RYR3: variants seen among roughly 807,000 people sequenced by gnomAD.
RYR3 encodes ryanodine receptor 3, also known as brain ryanodine receptor-calcium release channel.
In RYR3, 207 loss-of-function variants were observed where a neutral mutation model predicts 584.3. That is an observed-to-expected ratio of 0.35 (90% CI 0.32 to 0.40). RYR3 has a LOEUF of 0.40. RYR3 is among the 10% of genes least tolerant of loss of function. The pLI, the probability that RYR3 is intolerant of heterozygous loss-of-function variation, is 1.00. For synonymous variants in RYR3, 2,416 were observed against 2,248.5 expected (o/e 1.07, Z -2.11); for missense variants, 5,616 against 6,089.2 (o/e 0.92, Z 2.59).
At chr15:33,598,774 C>T (rs1269114531) in intron 16 of RYR3, among the ~76,000 whole-genome samples, 1 of 151,606 alleles carries the variant, frequency 6.6e-6, no homozygotes, top group Non-Finnish European at 1.5e-5. Flanking sequence ...TAGGAGTTGG[C>T]TGGGTGCAGT....
chr15:33,663,905 T>G (rs1006088263), intron 36 of RYR3, among the ~76,000 whole-genome samples, 168 bp downstream of exon 36: 2 of 152,174 alleles, frequency 1.3e-5, no homozygotes, highest in Admixed American at 6.5e-5. Context: ...AGCTAAGGAA[T>G]ATGTGCCAAT....
intron 1 of RYR3, among the ~76,000 whole-genome samples, chr15:33,333,742 G>A (rs1970638233): frequency 6.6e-6 from 1 of 152,150 alleles, no homozygotes; most frequent in African/African-American, 2.4e-5. Context: ...TAGGAAGAAA[G>A]GAAGTTAAAC....
intron 97 of RYR3, 108 bp from the exon 98 acceptor site, chr15:33,854,658 C>T: frequency 2.1e-6 from 3 of 1,426,096 alleles, no homozygotes; most frequent in Non-Finnish European, 2.9e-6. Context: ...ACCTCAGCAC[C>T]TAAACCCCCT....
chr15:33,707,233 C>T (rs542130507), intron 43 of RYR3, among the ~76,000 whole-genome samples, 179 bp downstream of exon 43: 2 of 152,256 alleles, frequency 1.3e-5, no homozygotes, highest in African/African-American at 2.4e-5. Flanking sequence ...ATCTCAGAAT[C>T]AGGCCAGACA....
At chr15:33,518,180 G>C (rs2053678952) in intron 3 of RYR3, among the ~76,000 whole-genome samples, 2 of 152,124 alleles carry the variant, frequency 1.3e-5, no homozygotes, top group South Asian at 4.2e-4. Flanking sequence ...GCTTCTCTTA[G>C]ATAACATGCT....
intron 1 of RYR3, among the ~76,000 whole-genome samples, chr15:33,406,016 A>G (rs2042993191): frequency 6.6e-6 from 1 of 152,202 alleles, no homozygotes; most frequent in South Asian, 2.1e-4. Flanking sequence ...GGCTCTGCTT[A>G]GTTTATGCGC....
At chr15:33,813,119 C>T in intron 73 of RYR3, 125 bp downstream of exon 73, 1 of 1,209,698 alleles carries the variant, frequency 8.3e-7, no homozygotes, top group South Asian at 1.5e-5. Context: ...GACCAAGGAT[C>T]ATCCCAGATC....
At chr15:33,760,586 G>A (rs1405736791) in intron 60 of RYR3, among the ~76,000 whole-genome samples, 1 of 152,200 alleles carries the variant, frequency 6.6e-6, no homozygotes, top group Non-Finnish European at 1.5e-5. Flanking sequence ...AAATACAGGA[G>A]CACCCAGACT....
Position 33,535,760 on chromosome 15 carries a change from G to A in RYR3, c.433+2371G>A, listed in dbSNP as rs371841654. 2.2e-4 allele frequency among the ~76,000 whole-genome samples: 34 copies of A among 152,182 alleles called. 1 individual carries two copies. The East Asian group carries it at 4.8e-3, about 22-fold the overall frequency. The stretch of plus-strand genomic sequence containing the variant: ...AATAAAAATAAAGGGAAACAACAGC[G>A]GCAACATTACTCTTTTCATCAGTTT... On this transcript the variant is annotated intron_variant, in intron 5 of 103. Coordinates refer to ENST00000634891, the MANE Select transcript of RYR3 (RefSeq NM_001036.6).
chr15:33,350,968 G>T (rs1204101523), intron 1 of RYR3, among the ~76,000 whole-genome samples: 1 of 152,118 alleles, frequency 6.6e-6, no homozygotes. Flanking sequence ...AATGAATCCA[G>T]GAGTTGGTTT....
At chr15:33,579,616 A>G (rs1038284244) in intron 12 of RYR3, among the ~76,000 whole-genome samples, 1 of 152,216 alleles carries the variant, frequency 6.6e-6, no homozygotes, top group Non-Finnish European at 1.5e-5. Flanking sequence ...CACAGTTGAA[A>G]TTACCTCTTT....
chr15:33,644,431 C>T lies in RYR3; in HGVS notation c.3677C>T (p.Ala1226Val). The stretch of plus-strand genomic sequence containing the variant: ...CTCCAAGAGGGCTTTGAGCCTTTTG[C>T]TGTCAACATGAACAGAGATGTTGCT... ...CGLQEGFEPF[A>V]VNMNRDVAMW... The change falls in exon 28 of 104, where the codon GCT becomes GTT. Residue 1226 changes from alanine to valine, a missense_variant. By Grantham distance (64) the Ala-to-Val change is moderately conservative. Transcript: ENST00000634891. The T allele has an allele frequency of 1.2e-6, 2 of 1,613,846 alleles. No individual in the cohort carries two copies. Among genetic ancestry groups the T allele is most frequent in the Non-Finnish European group, 1.7e-6 (2 of 1,179,794 alleles).
At chr15:33,855,742 A>G (rs1437396552) in intron 98 of RYR3, 2 of 152,240 alleles carry the variant, frequency 1.3e-5, no homozygotes, top group Admixed American at 1.3e-4. Context: ...TATACATTAT[A>G]TAGTTAATAC....
At chr15:33,463,303 C>T (rs2048196303) in intron 1 of RYR3, among the ~76,000 whole-genome samples, 1 of 152,136 alleles carries the variant, frequency 6.6e-6, no homozygotes, top group African/African-American at 2.4e-5. Flanking sequence ...GAGATTTCTT[C>T]CATTCATTCT....
At chr15:33,746,253 C>T in intron 53 of RYR3, 96 bp downstream of exon 53, 1 of 841,348 alleles carries the variant, frequency 1.2e-6, no homozygotes, top group Non-Finnish European at 2.0e-6. Context: ...ACTCTCACGT[C>T]CCTACAACAT....
Position 33,644,167 on chromosome 15 carries a change from C to CAGGA in RYR3, c.3557-141_3557-138dup, listed in dbSNP as rs548996064. 409 of 644,096 alleles carry CAGGA rather than the reference C, an allele frequency of 6.3e-4. 1 individual carries two copies. Among genetic ancestry groups the CAGGA allele is most frequent in the Middle Eastern group, 2.5e-3 (6 of 2,358 alleles). 39.9% of individuals were successfully genotyped at this position (644,096 alleles called of 1,614,324 possible). A position where few individuals can be genotyped will look rare whatever the true frequency, so the allele number is the denominator to read the frequency against. On this transcript the variant is annotated intron_variant, in intron 27 of 103. Transcript: ENST00000634891. ...GCCTCCTGTTGTTGATTTTATGTGC[C>CAGGA]AGGAAGAAAGAAAGAAAGAACGGGT... is the stretch of plus-strand genomic sequence containing the variant.
At chr15:33,496,907 T>A (rs1354368096) in intron 2 of RYR3, among the ~76,000 whole-genome samples, 1 of 151,762 alleles carries the variant, frequency 6.6e-6, no homozygotes, top group Non-Finnish European at 1.5e-5. Flanking sequence ...ACAGTAGATC[T>A]GTTTCTTCAA....
intron 94 of RYR3, chr15:33,849,273 C>T (rs999823754): frequency 6.6e-6 from 1 of 152,184 alleles, no homozygotes; most frequent in Admixed American, 6.5e-5. Flanking sequence ...GCCTGCCTTC[C>T]TGTAGGCATG....
chr15:33,440,312 G>A (rs2046112961), intron 1 of RYR3, among the ~76,000 whole-genome samples: 1 of 152,154 alleles, frequency 6.6e-6, no homozygotes, highest in Non-Finnish European at 1.5e-5. Context: ...ACTTCATATG[G>A]ACTGCTGACT....
Sources: gnomAD v4.1 joint callset for allele counts (sites outside exome capture counted in the v4.1 genomes callset) on GRCh38, gnomAD v4.1.1 for gene constraint, MANE v1.5 for transcripts, NCBI Gene and HGNC (gene_info 2026-07-23, HGNC 2026-07-21) for gene names.